Variants in YIPF4 observed in about 807,000 individuals in gnomAD.
The protein encoded by YIPF4 is protein YIPF4.
YIPF4 carries 18 observed loss-of-function variants against 29.4 expected under a neutral mutation model. That is an observed-to-expected ratio of 0.61 (90% CI 0.42 to 0.91). The LOEUF (loss-of-function observed/expected upper bound fraction) is 0.91, where lower values mean the gene tolerates loss of function less well. Among genes scored for constraint, YIPF4 ranks in the 40% least tolerant of loss-of-function variants. YIPF4 has a pLI of 0.00. For synonymous variants in YIPF4, 115 were observed against 104.7 expected (o/e 1.10, Z -0.60); for missense variants, 279 against 282.7 (o/e 0.99, Z 0.09).
chr2:32,295,873 G>A (rs1419555420), intron 3 of YIPF4, among the ~76,000 whole-genome samples: 1 of 152,132 alleles, frequency 6.6e-6, no homozygotes, highest in Non-Finnish European at 1.5e-5. Context: ...AAAGTGCTGG[G>A]ATTACAGGTG....
chr2:32,298,218 G>A lies in YIPF4; in HGVS notation c.406-16G>A, dbSNP rs763054223. On this transcript the variant is annotated splice_polypyrimidine_tract_variant and intron_variant, in intron 3 of 5. Transcript: ENST00000238831. ...TTTGGTATAAAAATATTAATTGCAT[G>A]ATTTTTCCCCCTAAGGTGGTCTCAT... 1.1e-5 allele frequency: 17 copies of A among 1,565,654 alleles called. No homozygotes were observed. The highest frequency in any genetic ancestry group is 1.7e-4 in the Middle Eastern group (1 of 5,988).
chr2:32,290,861 CAT>C (rs1303878861), intron 2 of YIPF4: 9 of 225,088 alleles, frequency 4.0e-5, no homozygotes, highest in African/African-American at 1.1e-4. Flanking sequence ...ATCTCACACA[CAT>C]GTGTGTCTAC....
In YIPF4 at chr2:32,307,174, C is replaced by G; in HGVS notation, c.*1548C>G. 7.8e-7 allele frequency: 1 copy of G among 1,278,772 alleles called. No individual in the cohort carries two copies. Among genetic ancestry groups the G allele is most frequent in the East Asian group, 5.8e-5 (1 of 17,302 alleles). 79.2% of individuals were successfully genotyped at this position (1,278,772 alleles called of 1,614,324 possible). On this transcript the variant is annotated 3_prime_UTR_variant, in exon 6 of 6. Transcript: ENST00000238831. The stretch of plus-strand genomic sequence containing the variant: ...TGAAGTAATCAGGAAATATCTATGC[C>G]TACAGAAGCAGCAACCGTAAGATAA...
Position 32,313,093 on chromosome 2 carries a change from C to G in YIPF4, c.*7467C>G, listed in dbSNP as rs762441706. On this transcript the variant is annotated 3_prime_UTR_variant, in exon 6 of 6. Transcript: ENST00000238831. ...AATTTCACAAATTGTAAAACTATTT[C>G]AAGAAATGAGAAAAAGAGGCCTGTG... 7 of 151,918 alleles carry G rather than the reference C, an allele frequency of 4.6e-5. No individual in the cohort carries two copies. Among genetic ancestry groups the G allele is most frequent in the Non-Finnish European group, 7.4e-5 (5 of 68,016 alleles). 9.4% of individuals were successfully genotyped at this position (151,918 alleles called of 1,614,324 possible).
At chr2:32,278,318 G>A in intron 1 of YIPF4, 84 bp downstream of exon 1, 2 of 1,350,126 alleles carry the variant, frequency 1.5e-6, no homozygotes, top group Non-Finnish European at 2.0e-6. Flanking sequence ...CGAGGTGGTC[G>A]TGGCCGGGTG....
intron 1 of YIPF4, among the ~76,000 whole-genome samples, chr2:32,282,287 A>C (rs1254225623): frequency 6.6e-6 from 1 of 152,120 alleles, no homozygotes; most frequent in Non-Finnish European, 1.5e-5. Context: ...CCAAAGAGCT[A>C]TTCTGCTATC....
intron 3 of YIPF4, among the ~76,000 whole-genome samples, chr2:32,293,473 G>T (rs936946228): frequency 1.1e-4 from 16 of 152,216 alleles, no homozygotes; most frequent in African/African-American, 3.1e-4. Flanking sequence ...AAAATGAAGT[G>T]TCTCCCATGT....
intron 3 of YIPF4, among the ~76,000 whole-genome samples, chr2:32,294,109 A>G (rs1190277854): frequency 1.4e-5 from 2 of 139,782 alleles, no homozygotes; most frequent in African/African-American, 2.7e-5. Flanking sequence ...GTGGCTGGCC[A>G]GGCGGGACGC....
chr2:32,293,428 A>T (rs1056560046), intron 3 of YIPF4, among the ~76,000 whole-genome samples: 1 of 152,220 alleles, frequency 6.6e-6, no homozygotes, highest in Admixed American at 6.5e-5. Context: ...GATCAACAGG[A>T]TCCCAAGGCA....
chr2:32,286,671 G>C (rs528331947), intron 1 of YIPF4, among the ~76,000 whole-genome samples: 14 of 151,818 alleles, frequency 9.2e-5, no homozygotes. Flanking sequence ...TCAGCCTCCC[G>C]AGTAGCTGGG....
In YIPF4 at chr2:32,294,620, C is replaced by T. The variant is rs1326198858; in HGVS notation, c.405+2272C>T. ...GCAGAGGGGCTCCTCACATCCCAGA[C>T]GATGGGCGGCCAGGCAGAGACGCTC... On this transcript the variant is annotated intron_variant, in intron 3 of 5. Transcript: ENST00000238831. Among the ~76,000 whole-genome samples the T allele has an allele frequency of 4.1e-4, 58 of 142,198 alleles. 1 individual carries two copies. The highest frequency in any genetic ancestry group is 1.4e-3 in the African/African-American group (52 of 37,892). 93.3% of individuals were successfully genotyped at this position (142,198 alleles called of 152,430 possible). A position where few individuals can be genotyped will look rare whatever the true frequency, so the allele number is the denominator to read the frequency against.
Position 32,307,253 on chromosome 2 carries a change from A to G in YIPF4, c.*1627A>G. The G allele has an allele frequency of 1.4e-6, 1 of 736,330 alleles. No individual in the cohort carries two copies. The highest frequency in any genetic ancestry group is 1.8e-6 in the Non-Finnish European group (1 of 543,572). 45.6% of individuals were successfully genotyped at this position (736,330 alleles called of 1,614,324 possible). The stretch of plus-strand genomic sequence containing the variant: ...GGTTAATACTTTGTTATAATGGATT[A>G]TAATATTTGACATTCATAGTGTTGA... On this transcript the variant is annotated 3_prime_UTR_variant, in exon 6 of 6. Transcript: ENST00000238831.
chr2:32,305,880 G>C lies in YIPF4; in HGVS notation c.*254G>C. 1 of 1,088,930 alleles carries C rather than the reference G, an allele frequency of 9.2e-7. No individual in the cohort carries two copies. The highest frequency in any genetic ancestry group is 1.1e-6 in the Non-Finnish European group (1 of 898,524). 67.5% of individuals were successfully genotyped at this position (1,088,930 alleles called of 1,614,324 possible). On this transcript the variant is annotated 3_prime_UTR_variant, in exon 6 of 6. Coordinates refer to ENST00000238831, the MANE Select transcript of YIPF4 (RefSeq NM_032312.4). ...CCAGTGAATAAAATACAAAAGCATT[G>C]TGTTTTTAAGATTGTGTCGATATTC...
At chr2:32,301,607 T>G in intron 5 of YIPF4, 112 bp downstream of exon 5, 5 of 681,206 alleles carry the variant, frequency 7.3e-6, no homozygotes, top group Non-Finnish European at 1.2e-5. Context: ...CAGTTGGTAG[T>G]ATTTTGGAAG....
In YIPF4 at chr2:32,307,040, G is replaced by A. The variant is rs1314244637; in HGVS notation, c.*1414G>A. The A allele has an allele frequency of 1.6e-4, 180 of 1,100,874 alleles. No individual in the cohort carries two copies. The highest frequency in any genetic ancestry group is 4.8e-6 in the Non-Finnish European group (4 of 836,018). 68.2% of individuals were successfully genotyped at this position (1,100,874 alleles called of 1,614,324 possible). On this transcript the variant is annotated 3_prime_UTR_variant, in exon 6 of 6. Coordinates refer to ENST00000238831, the MANE Select transcript of YIPF4 (RefSeq NM_032312.4). ...AAACTTATTTTAAGCTGCAGAAAAA[G>A]TGTGGAGCACTTTTGAGCTAGAATA...
chr2:32,301,555 G>T, intron 5 of YIPF4, 60 bp downstream of exon 5: 1 of 1,152,320 alleles, frequency 8.7e-7, no homozygotes, highest in Non-Finnish European at 1.3e-6. Context: ...AGTATACTAG[G>T]CCTCTAGCTA....
At position 32,315,048 on chromosome 2, in the gene YIPF4, T is replaced by C. The variant is rs2031794191; in HGVS notation, c.*9422T>C. On this transcript the variant is annotated 3_prime_UTR_variant, in exon 6 of 6. Coordinates refer to ENST00000238831, the MANE Select transcript of YIPF4 (RefSeq NM_032312.4). ...CCAAGGTTACATAATCCATAACTGA[T>C]ATGGCAGTTTAACAGTGTTATTAAG... is the stretch of plus-strand genomic sequence containing the variant. 1 of 152,240 alleles carries C rather than the reference T, an allele frequency of 6.6e-6. No homozygotes were observed. Among genetic ancestry groups the C allele is most frequent in the African/African-American group, 2.4e-5 (1 of 41,470 alleles). The allele number at this position is 152,240 out of a possible 1,614,324, so 9.4% of individuals were successfully genotyped here.
chr2:32,282,401 C>G (rs1277941574), intron 1 of YIPF4, among the ~76,000 whole-genome samples: 9 of 152,212 alleles, frequency 5.9e-5, no homozygotes, highest in Non-Finnish European at 2.9e-5. Flanking sequence ...CAATTACTCT[C>G]CATGTGATCT....
At chr2:32,284,326 A>G (rs535183283) in intron 1 of YIPF4, among the ~76,000 whole-genome samples, 1 of 152,148 alleles carries the variant, frequency 6.6e-6, no homozygotes, top group Non-Finnish European at 1.5e-5. Flanking sequence ...ATCAAGGAAA[A>G]TTTGCTTAAG....
Sources: gnomAD v4.1 joint callset for allele counts (sites outside exome capture counted in the v4.1 genomes callset) on GRCh38, gnomAD v4.1.1 for gene constraint, MANE v1.5 for transcripts, NCBI Gene and HGNC (gene_info 2026-07-23, HGNC 2026-07-21) for gene names.